Variants in RFTN1 observed in about 807,000 individuals in gnomAD.
RFTN1 encodes raftlin.
Under a neutral mutation model 46.5 loss-of-function variants are expected in RFTN1, and 26 were observed. The observed-to-expected ratio is 0.56, with a 90% CI of 0.41 to 0.78. The LOEUF (loss-of-function observed/expected upper bound fraction) is 0.78, where lower values mean the gene tolerates loss of function less well. Among genes scored for constraint, RFTN1 ranks in the 30% least tolerant of loss-of-function variants. RFTN1 has a pLI of 0.00. For synonymous variants in RFTN1, 261 were observed against 284.2 expected (o/e 0.92, Z 0.82); for missense variants, 693 against 718.7 (o/e 0.96, Z 0.41).
chr3:16,368,409 C>T (rs1361337061), intron 6 of RFTN1, among the ~76,000 whole-genome samples: 4 of 152,198 alleles, frequency 2.6e-5, no homozygotes, highest in East Asian at 1.9e-4. Flanking sequence ...CAGTGGCTCA[C>T]GCCTGTAATC....
chr3:16,343,145 G>A (rs558549995), intron 7 of RFTN1, among the ~76,000 whole-genome samples: 36 of 152,294 alleles, frequency 2.4e-4, no homozygotes, highest in African/African-American at 8.2e-4. Flanking sequence ...CAGCCAGAAT[G>A]TGAATTTTTA....
Position 16,326,790 on chromosome 3 carries a change from G to A in RFTN1, c.1233C>T (p.Pro411=), listed in dbSNP as rs139132308. 3.8e-4 allele frequency: 618 copies of A among 1,613,730 alleles called. 1 individual carries two copies. Among genetic ancestry groups the A allele is most frequent in the Non-Finnish European group, 4.9e-4 (575 of 1,179,826 alleles). Residue 411 remains proline, a synonymous_variant, in exon 8 of 10, where the codon CCC becomes CCT. Coordinates refer to ENST00000334133, the MANE Select transcript of RFTN1 (RefSeq NM_015150.2). ...ATTGTTACCTGGTAGTCTTGACGAC[G>A]GGAGTTGGTAGCACACAGGTGAGCT... is the stretch of plus-strand genomic sequence containing the variant. ...GWQLTCVLPT[P]VVKTTSEGSV... is the part of the protein sequence containing the mutation.
chr3:16,417,133 C>G (rs576442412), intron 3 of RFTN1, among the ~76,000 whole-genome samples: 2 of 152,080 alleles, frequency 1.3e-5, no homozygotes, highest in African/African-American at 2.4e-5. Context: ...CCTCAGCCCC[C>G]CAAGTAGCTG....
In RFTN1 at chr3:16,378,027, C is replaced by G; in HGVS notation, c.517G>C (p.Gly173Arg). Residue 173 changes from glycine to arginine, a missense_variant, in exon 5 of 10, where the codon GGC (glycine) becomes CGC (arginine). Transcript: ENST00000334133. ...PQYHSSVNSA[G>R]SSAPVSTANS... ...GCAGTAGACACCGGAGCACTGCTGC[C>G]TGCCGAGTTCACAGAGGAATGGTAC... The G allele has an allele frequency of 1.2e-6, 2 of 1,614,294 alleles. No individual in the cohort carries two copies. Among genetic ancestry groups the G allele is most frequent in the Non-Finnish European group, 1.7e-6 (2 of 1,180,060 alleles).
chr3:16,409,327 G>A (rs764424467), intron 4 of RFTN1, 48 bp downstream of exon 4: 4 of 1,287,154 alleles, frequency 3.1e-6, no homozygotes, highest in Non-Finnish European at 4.5e-6. Context: ...GTTCACTCAG[G>A]GGAACACTCG....
rs1442450976 is a variant in RFTN1, at chr3:16,442,307, C to T, written c.146-8270G>A. On this transcript the variant is annotated intron_variant, in intron 2 of 9. Coordinates refer to ENST00000334133, the MANE Select transcript of RFTN1 (RefSeq NM_015150.2). The surrounding 1 kb of genome is among the most constrained non-coding windows in gnomAD (Gnocchi z 4.1). The stretch of plus-strand genomic sequence containing the variant: ...GATGTTGCACAACCATCAGCTCTAT[C>T]TATAGGTTATGAAACATTTTCATCA... Among the ~76,000 whole-genome samples, 1 of 152,110 alleles carries T rather than the reference C, an allele frequency of 6.6e-6. No individual in the cohort carries two copies. The highest frequency in any genetic ancestry group is 1.5e-5 in the Non-Finnish European group (1 of 68,016).
intron 4 of RFTN1, among the ~76,000 whole-genome samples, chr3:16,408,676 A>C (rs767247105): frequency 6.8e-6 from 1 of 145,994 alleles, no homozygotes; most frequent in Non-Finnish European, 1.5e-5. Flanking sequence ...CCTGGCCCAA[A>C]GCTGACAGCT....
At position 16,450,651 on chromosome 3, in the gene RFTN1, C is replaced by T. The variant is rs573809130; in HGVS notation, c.146-16614G>A. On this transcript the variant is annotated intron_variant, in intron 2 of 9. Transcript: ENST00000334133. This position sits in a 1 kb window ranked among gnomAD's most constrained non-coding sequence, Gnocchi z 4.6. The stretch of plus-strand genomic sequence containing the variant: ...CTGAGGCAGGACAGGCACCCCAAAC[C>T]AGGATTAAAACAATAAGTTTAACAA... Among the ~76,000 whole-genome samples, 1 of 152,228 alleles carries T rather than the reference C, an allele frequency of 6.6e-6. No individual in the cohort carries two copies. Among genetic ancestry groups the T allele is most frequent in the South Asian group, 2.1e-4 (1 of 4,832 alleles).
At chr3:16,401,490 C>T (rs1465828064) in intron 4 of RFTN1, among the ~76,000 whole-genome samples, 1 of 152,010 alleles carries the variant, frequency 6.6e-6, no homozygotes, top group Non-Finnish European at 1.5e-5. Context: ...AGTGGCCAAA[C>T]CCGGTGGGCC....
At position 16,361,689 on chromosome 3, in the gene RFTN1, T is replaced by C. The variant is rs1017984967; in HGVS notation, c.1031-3642A>G. 6.6e-6 allele frequency among the ~76,000 whole-genome samples: 1 copy of C among 152,026 alleles called. No individual in the cohort carries two copies. Among genetic ancestry groups the C allele is most frequent in the Non-Finnish European group, 1.5e-5 (1 of 67,982 alleles). ...AGGTGGTTAAGACTAAATTGACTGGTGGGGAGGCCAGCCACTTAGGGCTCT... is the reference window on the plus strand; with the variant it reads ...AGGTGGTTAAGACTAAATTGACTGGCGGGGAGGCCAGCCACTTAGGGCTCT... On this transcript the variant is annotated intron_variant, in intron 6 of 9. Transcript: ENST00000334133. The surrounding 1 kb of genome is among the most constrained non-coding windows in gnomAD (Gnocchi z 4.3).
intron 8 of RFTN1, among the ~76,000 whole-genome samples, chr3:16,324,614 C>CCG (rs1049623877): frequency 2.9e-5 from 1 of 34,662 alleles, no homozygotes. Flanking sequence ...ATGTCCCTGA[C>CCG]CCCCCCCCTT....
At position 16,449,428 on chromosome 3, in the gene RFTN1, C is replaced by T. The variant is rs2075786830; in HGVS notation, c.146-15391G>A. On this transcript the variant is annotated intron_variant, in intron 2 of 9. Coordinates refer to ENST00000334133, the MANE Select transcript of RFTN1 (RefSeq NM_015150.2). The surrounding 1 kb of genome is among the most constrained non-coding windows in gnomAD (Gnocchi z 5.1). Reference sequence around the variant, plus strand: ...GCTTATGGGCCTCAATTTTTGTCTACAGAGGATAAAAATAACACCTTTCTC... The same window carrying T: ...GCTTATGGGCCTCAATTTTTGTCTATAGAGGATAAAAATAACACCTTTCTC... Among the ~76,000 whole-genome samples the T allele has an allele frequency of 6.6e-6, 1 of 152,112 alleles. No homozygotes were observed. The highest frequency in any genetic ancestry group is 2.1e-4 in the South Asian group (1 of 4,818).
chr3:16,398,946 G>C (rs1438563131), intron 4 of RFTN1, among the ~76,000 whole-genome samples: 1 of 152,226 alleles, frequency 6.6e-6, no homozygotes, highest in African/African-American at 2.4e-5. Flanking sequence ...TTTCTCTGCA[G>C]TGACGACAAA....
Position 16,348,367 on chromosome 3 carries a change from A to G in RFTN1, c.1146+9565T>C, listed in dbSNP as rs2071875760. 6.6e-6 allele frequency among the ~76,000 whole-genome samples: 1 copy of G among 152,038 alleles called. No individual in the cohort carries two copies. The highest frequency in any genetic ancestry group is 1.5e-5 in the Non-Finnish European group (1 of 68,002). ...ATCCAATATGTGTTCTAATTATAAA[A>G]AAAAATTAATAGATGTGCCTTCTCT... is the stretch of plus-strand genomic sequence containing the variant. On this transcript the variant is annotated intron_variant, in intron 7 of 9. Transcript: ENST00000334133. This position sits in a 1 kb window ranked among gnomAD's most constrained non-coding sequence, Gnocchi z 6.3.
Position 16,455,156 on chromosome 3 carries a change from C to A in RFTN1, c.146-21119G>T, listed in dbSNP as rs538662656. On this transcript the variant is annotated intron_variant, in intron 2 of 9. Transcript: ENST00000334133. The stretch of plus-strand genomic sequence containing the variant: ...AAGAGTTGGACCCTGTTGGGATCAG[C>A]AAACAGCTGCAGCAACAGCAGCATA... Among the ~76,000 whole-genome samples, 29 of 152,332 alleles carry A rather than the reference C, an allele frequency of 1.9e-4. No individual in the cohort carries two copies. In the East Asian group the frequency reaches 5.6e-3, roughly 29 times the overall value.
chr3:16,405,736 G>GA (rs1323858847), intron 4 of RFTN1, among the ~76,000 whole-genome samples: 1 of 152,114 alleles, frequency 6.6e-6, no homozygotes, highest in Non-Finnish European at 1.5e-5. Flanking sequence ...TTGTTCTTAT[G>GA]AAAAAATCTA....
At chr3:16,379,754 T>G (rs772548964) in intron 4 of RFTN1, among the ~76,000 whole-genome samples, 8 of 152,214 alleles carry the variant, frequency 5.3e-5, no homozygotes, top group Non-Finnish European at 1.0e-4. Flanking sequence ...TTCTGAAAAT[T>G]TTTTCCCTCA....
rs183352361 is a variant in RFTN1, at chr3:16,468,864, G to T, written c.145+24861C>A. On this transcript the variant is annotated intron_variant, in intron 2 of 9. Transcript: ENST00000334133. The surrounding 1 kb of genome is among the most constrained non-coding windows in gnomAD (Gnocchi z 4.4). ...CACATAATTAGACACAGCCAGAAAA[G>T]GGTACGTATGCTTCCCCTTCCTGTG... 6.6e-6 allele frequency among the ~76,000 whole-genome samples: 1 copy of T among 152,328 alleles called. No homozygotes were observed. The highest frequency in any genetic ancestry group is 6.5e-5 in the Admixed American group (1 of 15,304).
rs2076366724 is a variant in RFTN1 at position 16,481,474 on chromosome 3, C to T, written c.145+12251G>A. Among the ~76,000 whole-genome samples, 1 of 152,194 alleles carries T rather than the reference C, an allele frequency of 6.6e-6. No individual in the cohort carries two copies. The highest frequency in any genetic ancestry group is 2.1e-4 in the South Asian group (1 of 4,836). ...TCCCAGCCAGAACCTCAACTCATAA[C>T]TCATGCCATTGACTTCCTTGCATGA... On this transcript the variant is annotated intron_variant, in intron 2 of 9. Coordinates refer to ENST00000334133, the MANE Select transcript of RFTN1 (RefSeq NM_015150.2). This position sits in a 1 kb window ranked among gnomAD's most constrained non-coding sequence, Gnocchi z 5.1.
Sources: allele counts gnomAD v4.1 joint callset (sites outside exome capture counted in the v4.1 genomes callset), GRCh38; gene constraint gnomAD v4.1.1; non-coding constraint Gnocchi (gnomAD v3.1); transcripts MANE v1.5; gene names NCBI Gene and HGNC (gene_info 2026-07-23, HGNC 2026-07-21).